Variants in SNX29 observed in about 807,000 individuals in gnomAD.
SNX29 encodes the protein sorting nexin-29.
SNX29 carries 78 observed loss-of-function variants against 102.1 expected under a neutral mutation model. That is an observed-to-expected ratio of 0.76 (90% CI 0.64 to 0.92). The LOEUF (loss-of-function observed/expected upper bound fraction) is 0.92. SNX29 is among the 40% of genes least tolerant of loss of function. The pLI, the probability that SNX29 is intolerant of heterozygous loss-of-function variation, is 0.00. For synonymous variants in SNX29, 580 were observed against 414.5 expected, an observed-to-expected ratio of 1.40 and a Z score of -4.85; for missense variants, 1,280 against 1,061.7, an observed-to-expected ratio of 1.21 and a Z score of -2.86.
rs2052871309 is a variant in SNX29, at chr16:12,098,603, C to T, written c.1402+19688C>T. On this transcript the variant is annotated intron_variant, in intron 11 of 20. Transcript: ENST00000566228. This position sits in a 1 kb window ranked among gnomAD's most constrained non-coding sequence, Gnocchi z 6.0. ...CCGATTCAGTTTCATGCTCTTCCGT[C>T]TGCCGGGACACCCTCCCCTCTCCTC... Among the ~76,000 whole-genome samples the T allele has an allele frequency of 6.6e-6, 1 of 152,222 alleles. No homozygotes were observed. The highest frequency in any genetic ancestry group is 1.5e-5 in the Non-Finnish European group (1 of 68,040).
At chr16:11,984,981 A>T (rs1401946054) in intron 1 of SNX29, among the ~76,000 whole-genome samples, 1 of 151,866 alleles carries the variant, frequency 6.6e-6, no homozygotes, top group Non-Finnish European at 1.5e-5. Context: ...TGTTTCTGTT[A>T]TAAGTAATGA....
chr16:12,505,507 AC>A (rs2089331651), intron 19 of SNX29, among the ~76,000 whole-genome samples: 1 of 152,192 alleles, frequency 6.6e-6, no homozygotes, highest in Admixed American at 6.5e-5. Context: ...TTTTAAAAAA[AC>A]AAATCTTATT....
intron 18 of SNX29, among the ~76,000 whole-genome samples, chr16:12,434,678 G>A (rs1295883133): frequency 6.6e-6 from 1 of 152,104 alleles, no homozygotes; most frequent in African/African-American, 2.4e-5. Flanking sequence ...ACAACGGCTG[G>A]GGGCTTTCTT....
In SNX29 at chr16:12,571,603, C is replaced by T. The variant is rs895509154; in HGVS notation, c.*2974C>T. 1.1e-5 allele frequency: 12 copies of T among 1,060,194 alleles called. No individual in the cohort carries two copies. The African/African-American group carries it at 1.8e-4, about 16-fold the overall frequency. The allele number at this position is 1,060,194 out of a possible 1,614,324, so 65.7% of individuals were successfully genotyped here. On this transcript the variant is annotated 3_prime_UTR_variant, in exon 21 of 21. Coordinates refer to ENST00000566228, the MANE Select transcript of SNX29 (RefSeq NM_032167.5). Reference sequence around the variant, plus strand: ...GGCCTGCTGTGCTGAAACAGAACAGCAGGTTCCATCTTTCACATCTTTTTT... The same window carrying T: ...GGCCTGCTGTGCTGAAACAGAACAGTAGGTTCCATCTTTCACATCTTTTTT...
rs1319949737 is a variant in SNX29, at chr16:12,254,084, G to A, written c.1679-23849G>A. Among the ~76,000 whole-genome samples the A allele has an allele frequency of 2.6e-5, 4 of 152,300 alleles. No homozygotes were observed. The East Asian group carries it at 7.7e-4, about 29-fold the overall frequency. On this transcript the variant is annotated intron_variant, in intron 14 of 20. Coordinates refer to ENST00000566228, the MANE Select transcript of SNX29 (RefSeq NM_032167.5). The stretch of plus-strand genomic sequence containing the variant: ...GATGTGGAGGGAGGCTGCTAACCAG[G>A]ATGGGGATGGCTTTGTGGGGGCCGA...
rs1273781230 is a variant in SNX29, at chr16:12,362,568, C to G, written c.1899+6289C>G. On this transcript the variant is annotated intron_variant, in intron 16 of 20. Coordinates refer to ENST00000566228, the MANE Select transcript of SNX29 (RefSeq NM_032167.5). The stretch of plus-strand genomic sequence containing the variant: ...GCTGCTGCACTCCCCCCCCACCCCC[C>G]CCCCCACCAGTTTCTCCTCATGCTC... 6.5e-4 allele frequency among the ~76,000 whole-genome samples: 48 copies of G among 73,590 alleles called. 1 individual carries two copies. Among genetic ancestry groups the G allele is most frequent in the Non-Finnish European group, 1.4e-3 (42 of 29,740 alleles). The allele number at this position is 73,590 out of a possible 152,430, so 48.3% of individuals were successfully genotyped here.
chr16:12,175,262 G>T (rs1001053819), intron 13 of SNX29, among the ~76,000 whole-genome samples: 17 of 152,098 alleles, frequency 1.1e-4, no homozygotes, highest in Admixed American at 3.9e-4. Flanking sequence ...CCTACCCCCC[G>T]AATATATATG....
intron 3 of SNX29, among the ~76,000 whole-genome samples, chr16:12,008,499 C>T (rs2056533942): frequency 7.1e-6 from 1 of 141,724 alleles, no homozygotes; most frequent in African/African-American, 2.6e-5. Flanking sequence ...GAACTCCCGA[C>T]CTCAGGTGAT....
At chr16:12,421,037 G>T (rs756302534) in intron 18 of SNX29, among the ~76,000 whole-genome samples, 8 of 152,196 alleles carry the variant, frequency 5.3e-5, no homozygotes, top group Non-Finnish European at 1.2e-4. Flanking sequence ...ATGCCAGCCC[G>T]AGACATGAGG....
chr16:12,045,963 G>A (rs116768043), intron 5 of SNX29, among the ~76,000 whole-genome samples: 60,327 of 151,656 alleles, frequency 0.4, 12,604 homozygotes, highest in Middle Eastern at 0.5. Flanking sequence ...TGATGAAGCC[G>A]TAGAGGCTCT....
intron 14 of SNX29, among the ~76,000 whole-genome samples, chr16:12,222,065 A>G (rs2077493286): frequency 6.6e-6 from 1 of 152,246 alleles, no homozygotes. Context: ...CATGCCGGGC[A>G]CTGTTTGAAG....
chr16:12,340,520 G>C (rs1174208857), intron 15 of SNX29, among the ~76,000 whole-genome samples: 3 of 152,184 alleles, frequency 2.0e-5, no homozygotes, highest in African/African-American at 4.8e-5. Flanking sequence ...GGAAGAGCAT[G>C]GTTTTGCATT....
chr16:12,540,685 G>A (rs952281142), intron 20 of SNX29, among the ~76,000 whole-genome samples: 1 of 152,148 alleles, frequency 6.6e-6, no homozygotes, highest in Non-Finnish European at 1.5e-5. Context: ...GGTCCCTCTT[G>A]TTGTAGAAGC....
intron 15 of SNX29, among the ~76,000 whole-genome samples, chr16:12,304,728 A>G (rs922938837): frequency 1.3e-5 from 2 of 152,044 alleles, no homozygotes; most frequent in Non-Finnish European, 2.9e-5. Flanking sequence ...CTCCTATTTT[A>G]TTTCCTCACT....
intron 15 of SNX29, among the ~76,000 whole-genome samples, chr16:12,335,462 C>G (rs1397597212): frequency 6.6e-6 from 1 of 152,042 alleles, no homozygotes; most frequent in African/African-American, 2.4e-5. Context: ...GTCAAGAGTT[C>G]AAGACCAGCC....
rs189403883 is a variant in SNX29 at position 12,568,714 on chromosome 16, G to A, written c.*85G>A. 3.6e-5 allele frequency: 56 copies of A among 1,539,824 alleles called. No individual in the cohort carries two copies. The highest frequency in any genetic ancestry group is 7.0e-5 in the East Asian group (3 of 43,118). ...ACTGCCGCTGGCCCCTCACCTCAGC[G>A]TGACAACCACGTCCACCTGGTGATC... is the stretch of plus-strand genomic sequence containing the variant. On this transcript the variant is annotated 3_prime_UTR_variant, in exon 21 of 21. Coordinates refer to ENST00000566228, the MANE Select transcript of SNX29 (RefSeq NM_032167.5).
At chr16:12,284,685 G>T (rs1344196025) in intron 15 of SNX29, among the ~76,000 whole-genome samples, 3 of 151,300 alleles carry the variant, frequency 2.0e-5, no homozygotes, top group Non-Finnish European at 4.4e-5. Context: ...ATTGTTTTCT[G>T]TGTTGAACTT....
intron 19 of SNX29, chr16:12,515,658 C>G: frequency 2.1e-6 from 1 of 482,426 alleles, no homozygotes; most frequent in Non-Finnish European, 4.1e-6. Flanking sequence ...AAGTCCATCT[C>G]TGTGCCAGCA....
Position 12,263,949 on chromosome 16 carries a change from A to T in SNX29, c.1679-13984A>T, listed in dbSNP as rs71385199. The stretch of plus-strand genomic sequence containing the variant: ...GGTCAAGGTCATGATCTGATGTTCT[A>T]TTAATGACTTCAATGACCTCCACCA... On this transcript the variant is annotated intron_variant, in intron 14 of 20. Coordinates refer to ENST00000566228, the MANE Select transcript of SNX29 (RefSeq NM_032167.5). Among the ~76,000 whole-genome samples, 344 of 152,340 alleles carry T rather than the reference A, an allele frequency of 2.3e-3. 2 individuals are homozygous for T. The highest frequency in any genetic ancestry group is 0.011 in the South Asian group (54 of 4,832).
Sources: allele counts gnomAD v4.1 joint callset (sites outside exome capture counted in the v4.1 genomes callset), GRCh38; gene constraint gnomAD v4.1.1; non-coding constraint Gnocchi (gnomAD v3.1); transcripts MANE v1.5; gene names NCBI Gene and HGNC (gene_info 2026-07-23, HGNC 2026-07-21).